The following PXN variants were observed in gnomAD, a reference collection of about 807,000 sequenced individuals.
PXN encodes the protein testicular tissue protein Li 134.
PXN carries 61 observed loss-of-function variants against 103.6 expected under a neutral mutation model. The observed-to-expected ratio is 0.59, with a 90% CI of 0.48 to 0.73. PXN has a LOEUF of 0.73. PXN is among the 30% of genes least tolerant of loss of function. PXN has a pLI of 0.00. For synonymous variants in PXN, 562 were observed against 607.8 expected (o/e 0.92, Z 1.11); for missense variants, 1,274 against 1,460.3 (o/e 0.87, Z 2.08).
intron 3 of PXN, 23 bp from the exon 4 acceptor site, chr12:120,223,022 G>A: frequency 6.2e-7 from 1 of 1,613,954 alleles, no homozygotes; most frequent in African/African-American, 1.3e-5. Flanking sequence ...AAGGAAAGAA[G>A]ATAGTGAGAG....
In PXN at chr12:120,214,334, C is replaced by T; in HGVS notation, c.2749-117G>A. 1.2e-6 allele frequency: 1 copy of T among 844,382 alleles called. No homozygotes were observed. Among genetic ancestry groups the T allele is most frequent in the Non-Finnish European group, 1.9e-6 (1 of 525,524 alleles). The allele number at this position is 844,382 out of a possible 1,614,324, so 52.3% of individuals were successfully genotyped here. A position where few individuals can be genotyped will look rare whatever the true frequency, so the allele number is the denominator to read the frequency against. ...TAGCCATAGACAGAGCAAAACACTC[C>T]CAAGATGGGGGTCTCTCCTAATTGT... is the stretch of plus-strand genomic sequence containing the variant. On this transcript the variant is annotated intron_variant, in intron 12 of 14. Transcript: ENST00000637617. The surrounding 1 kb of genome is among the most constrained non-coding windows in gnomAD (Gnocchi z 5.0).
intron 1 of PXN, among the ~76,000 whole-genome samples, chr12:120,253,972 T>C (rs1892606402): frequency 6.6e-6 from 1 of 152,146 alleles, no homozygotes; most frequent in Non-Finnish European, 1.5e-5. Flanking sequence ...CCTCCACCTC[T>C]TGGGTTCAGG....
At position 120,215,777 on chromosome 12, in the gene PXN, C is replaced by G. The variant is rs1396751942; in HGVS notation, c.2302-116G>C. 1.1e-5 allele frequency: 14 copies of G among 1,296,172 alleles called. No homozygotes were observed. Among genetic ancestry groups the G allele is most frequent in the Non-Finnish European group, 1.1e-5 (11 of 988,026 alleles). The allele number at this position is 1,296,172 out of a possible 1,614,324, so 80.3% of individuals were successfully genotyped here. On this transcript the variant is annotated intron_variant, in intron 9 of 14. Transcript: ENST00000637617. The surrounding 1 kb of genome is among the most constrained non-coding windows in gnomAD (Gnocchi z 4.9). ...GGATGAGATCTGAGGGTTTCTCCCC[C>G]ACCGGCAGGACCAAAATTGGGGGAA...
Position 120,213,342 on chromosome 12 carries a change from T to C in PXN, c.2979+500A>G, listed in dbSNP as rs761444880. Among the ~76,000 whole-genome samples the C allele has an allele frequency of 6.6e-6, 1 of 152,094 alleles. No individual in the cohort carries two copies. The highest frequency in any genetic ancestry group is 1.5e-5 in the Non-Finnish European group (1 of 68,016). ...TTGCAGTCAGCCAAGATCGTGCCAC[T>C]GCACACCAGTCTGGGCAACAGAGTG... is the stretch of plus-strand genomic sequence containing the variant. On this transcript the variant is annotated intron_variant, in intron 14 of 14. Coordinates refer to ENST00000637617, the MANE Select transcript of PXN (RefSeq NM_001385981.1). This position sits in a 1 kb window ranked among gnomAD's most constrained non-coding sequence, Gnocchi z 4.2.
At chr12:120,241,396 G>A (rs1890109022) in intron 1 of PXN, among the ~76,000 whole-genome samples, 1 of 152,204 alleles carries the variant, frequency 6.6e-6, no homozygotes, top group Admixed American at 6.5e-5. Context: ...CCTCGCTTGG[G>A]TATCCAAGGC....
intron 1 of PXN, among the ~76,000 whole-genome samples, chr12:120,253,115 G>A (rs566125359): frequency 6.6e-6 from 1 of 152,018 alleles, no homozygotes; most frequent in Non-Finnish European, 1.5e-5. Context: ...CAAGCAACAA[G>A]GGTCTGCAGA....
rs1348562182 is a variant in PXN, at chr12:120,225,263, C to G, written c.14-886G>C. 6.2e-6 allele frequency: 1 copy of G among 160,080 alleles called. No individual in the cohort carries two copies. Among genetic ancestry groups the G allele is most frequent in the African/African-American group, 2.4e-5 (1 of 41,526 alleles). The allele number at this position is 160,080 out of a possible 1,614,324, so 9.9% of individuals were successfully genotyped here. ...TTCCTCCATCCCCTCCTGGGACCCT[C>G]AACAGCCCCACGGCTCAGACAGCCT... On this transcript the variant is annotated intron_variant, in intron 1 of 14. Coordinates refer to ENST00000637617, the MANE Select transcript of PXN (RefSeq NM_001385981.1). The surrounding 1 kb of genome is among the most constrained non-coding windows in gnomAD (Gnocchi z 4.4).
At chr12:120,253,127 CA>C (rs1331712897) in intron 1 of PXN, among the ~76,000 whole-genome samples, 1 of 151,954 alleles carries the variant, frequency 6.6e-6, no homozygotes, top group African/African-American at 2.4e-5. Flanking sequence ...GTCTGCAGAC[CA>C]AATCTGACCC....
At chr12:120,232,855 G>A (rs965370693) in intron 1 of PXN, among the ~76,000 whole-genome samples, 10 of 152,116 alleles carry the variant, frequency 6.6e-5, no homozygotes, top group Non-Finnish European at 1.0e-4. Flanking sequence ...TTGCTAATCA[G>A]GTTCTCACTA....
At chr12:120,262,294 G>A (rs571239677) in intron 1 of PXN, among the ~76,000 whole-genome samples, 45 of 152,362 alleles carry the variant, frequency 3.0e-4, no homozygotes, top group Non-Finnish European at 5.3e-4. Context: ...CCCCCTGCTA[G>A]AGGATGGGAA....
Position 120,260,363 on chromosome 12 carries a change from G to T in PXN, c.13+5254C>A, listed in dbSNP as rs532437649. ...CGTCTCTACTAAAAATACAAAATTA[G>T]CTGGGCATGGTGGCTCATGCCCCCA... On this transcript the variant is annotated intron_variant, in intron 1 of 14. Coordinates refer to ENST00000637617, the MANE Select transcript of PXN (RefSeq NM_001385981.1). Among the ~76,000 whole-genome samples the T allele has an allele frequency of 2.0e-4, 30 of 152,190 alleles. 1 individual carries two copies. The South Asian group carries it at 6.2e-3, about 32-fold the overall frequency.
chr12:120,226,350 C>T, intron 1 of PXN: 1 of 1,289,214 alleles, frequency 7.8e-7, no homozygotes. Flanking sequence ...CCAGGAGCTT[C>T]ACCTTTGTTA....
chr12:120,249,092 G>T (rs1891713618), intron 1 of PXN, among the ~76,000 whole-genome samples: 1 of 152,048 alleles, frequency 6.6e-6, no homozygotes, highest in Non-Finnish European at 1.5e-5. Context: ...AGCCAAGATT[G>T]CACCACTGCA....
intron 1 of PXN, among the ~76,000 whole-genome samples, chr12:120,236,406 C>G (rs1219747040): frequency 6.6e-6 from 1 of 152,048 alleles, no homozygotes; most frequent in Non-Finnish European, 1.5e-5. Flanking sequence ...GCAATCTCCA[C>G]CTCCTGGGAT....
intron 1 of PXN, among the ~76,000 whole-genome samples, chr12:120,238,827 C>A (rs1889613911): frequency 6.6e-6 from 1 of 152,154 alleles, no homozygotes; most frequent in South Asian, 2.1e-4. Context: ...TAGGGTGAAC[C>A]CCATCATTCC....
chr12:120,248,492 TCA>T (rs3221954), intron 1 of PXN, among the ~76,000 whole-genome samples: 22,268 of 127,616 alleles, frequency 0.17, 1,817 homozygotes, highest in Non-Finnish European at 0.19. Context: ...CAGATGACTT[TCA>T]CACACACACA....
In PXN at chr12:120,222,459, G is replaced by T; in HGVS notation, c.695+90C>A. 7.3e-7 allele frequency: 1 copy of T among 1,362,380 alleles called. No homozygotes were observed. Among genetic ancestry groups the T allele is most frequent in the Non-Finnish European group, 9.9e-7 (1 of 1,011,114 alleles). 84.4% of individuals were successfully genotyped at this position (1,362,380 alleles called of 1,614,324 possible). A position where few individuals can be genotyped will look rare whatever the true frequency, so the allele number is the denominator to read the frequency against. On this transcript the variant is annotated intron_variant, in intron 5 of 14. Coordinates refer to ENST00000637617, the MANE Select transcript of PXN (RefSeq NM_001385981.1). The surrounding 1 kb of genome is among the most constrained non-coding windows in gnomAD (Gnocchi z 4.7). Reference sequence around the variant, plus strand: ...CAAATGGCAGACACGGGAGGGAGTGGGTGATACCAGGGCTAAGGGGACAGA... The same window carrying T: ...CAAATGGCAGACACGGGAGGGAGTGTGTGATACCAGGGCTAAGGGGACAGA...
At chr12:120,240,184 T>G (rs1469198461) in intron 1 of PXN, among the ~76,000 whole-genome samples, 1 of 151,950 alleles carries the variant, frequency 6.6e-6, no homozygotes, top group African/African-American at 2.4e-5. Context: ...GAGGAACAAA[T>G]AAGATAACAA....
intron 1 of PXN, among the ~76,000 whole-genome samples, chr12:120,232,285 G>A (rs189208396): frequency 1.4e-4 from 21 of 152,318 alleles, no homozygotes; most frequent in Non-Finnish European, 1.5e-5. Flanking sequence ...CCTTCCCAAA[G>A]TGCTGAGATT....
Sources: allele counts gnomAD v4.1 joint callset (sites outside exome capture counted in the v4.1 genomes callset), GRCh38; gene constraint gnomAD v4.1.1; non-coding constraint Gnocchi (gnomAD v3.1); transcripts MANE v1.5; gene names NCBI Gene and HGNC (gene_info 2026-07-23, HGNC 2026-07-21).